SQSTM1: variants seen among roughly 807,000 people sequenced by gnomAD.
The protein encoded by SQSTM1 is sequestosome-1.
SQSTM1 carries 36 observed loss-of-function variants against 45.1 expected under a neutral mutation model. The observed-to-expected ratio is 0.80, with a 90% confidence interval of 0.61 to 1.05. SQSTM1 has a LOEUF of 1.05. Among genes scored for constraint, SQSTM1 ranks in the 50% least tolerant of loss-of-function variants. The probability of loss-of-function intolerance (pLI) is 0.00; values close to 1 mark genes in which losing one functional copy is unlikely to be tolerated. For synonymous variants in SQSTM1, 290 were observed against 244.3 expected (o/e 1.19, Z -1.74); for missense variants, 617 against 607.1 (o/e 1.02, Z -0.17).
chr5:179,821,713 G>A, intron 1 of SQSTM1: 1 of 334,130 alleles, frequency 3.0e-6, no homozygotes, highest in Non-Finnish European at 5.9e-6. Flanking sequence ...GCCAGGTCGA[G>A]TACAGATGTT....
At chr5:179,813,705 T>A (rs1358141889) in intron 2 of SQSTM1, 1 of 152,044 alleles carries the variant, frequency 6.6e-6, no homozygotes, top group Non-Finnish European at 1.5e-5. Flanking sequence ...TACAGTGAGC[T>A]CTAATTGCCA....
intron 2 of SQSTM1, 135 bp downstream of exon 2, chr5:179,823,188 GC>G: frequency 1.2e-6 from 1 of 839,944 alleles, no homozygotes; most frequent in Non-Finnish European, 1.9e-6. Flanking sequence ...AGAGACATAG[GC>G]CAGGTGTGGC....
chr5:179,828,488 C>A (rs543752057), intron 5 of SQSTM1, among the ~76,000 whole-genome samples: 1 of 151,790 alleles, frequency 6.6e-6, no homozygotes, highest in East Asian at 1.9e-4. Flanking sequence ...ATTCTCCTGC[C>A]TCAGCCTTTC....
chr5:179,826,514 G>A (rs1231897913), intron 5 of SQSTM1, among the ~76,000 whole-genome samples: 1 of 151,794 alleles, frequency 6.6e-6, no homozygotes, highest in East Asian at 1.9e-4. Context: ...CATTGCTTCT[G>A]AACTAAACAG....
At chr5:179,817,952 T>C (rs1392264210), upstream of SQSTM1, among the ~76,000 whole-genome samples, 1 of 139,960 alleles carries the variant, frequency 7.1e-6, no homozygotes. Context: ...GAGGCAGAGG[T>C]TGCAGTGAGC....
In SQSTM1 at chr5:179,836,439, C is replaced by T. The variant is rs1330179432; in HGVS notation, c.1169C>T (p.Ala390Val). The change falls in exon 8 of 8, where the codon GCT (alanine) becomes GTT (valine). Residue 390 changes from alanine (A) to valine (V), a missense_variant. Physicochemically the swap from Ala to Val is moderately conservative, Grantham distance 64. Transcript: ENST00000389805. Reference protein sequence around the residue: ...AALYPHLPPEADPRLIESLSQ... With the variant: ...AALYPHLPPEVDPRLIESLSQ... ...GGCTTCCTTACTGTTTCGGCAGAGG[C>T]TGACCCGCGGCTGATTGAGTCCCTC... 1.9e-6 allele frequency: 3 copies of T among 1,614,188 alleles called. No individual in the cohort carries two copies. Among genetic ancestry groups the T allele is most frequent in the East Asian group, 4.5e-5 (2 of 44,884 alleles).
intron 2 of SQSTM1, chr5:179,823,569 G>T: frequency 1.9e-6 from 1 of 518,022 alleles, no homozygotes; most frequent in Admixed American, 3.3e-5. Context: ...TTGGGTTAGG[G>T]ATGGGGTCTG....
chr5:179,809,228 G>T (rs1490410816), intron 1 of SQSTM1, among the ~76,000 whole-genome samples: 1 of 143,322 alleles, frequency 7.0e-6, no homozygotes, highest in Admixed American at 7.2e-5. Context: ...GCACCATCTC[G>T]GCTCACTGCA....
At chr5:179,833,913 G>A in intron 7 of SQSTM1, 131 bp downstream of exon 7, 1 of 1,038,376 alleles carries the variant, frequency 9.6e-7, no homozygotes, top group African/African-American at 1.6e-5. Context: ...AGGTGTGGGA[G>A]GTTAGGAGTT....
rs984655151 is a variant in SQSTM1, at chr5:179,830,267, G to A, written c.755-2765G>A. Among the ~76,000 whole-genome samples, 24 of 152,236 alleles carry A rather than the reference G, an allele frequency of 1.6e-4. 1 individual carries two copies. Among genetic ancestry groups the A allele is most frequent in the Non-Finnish European group, 5.9e-5 (4 of 68,044 alleles). Reference sequence around the variant, plus strand: ...CAAGTGTCAGAACCCTGAGGATAAAGAAAGAGGGGCTTCTAAAACTCTAGG... The same window carrying A: ...CAAGTGTCAGAACCCTGAGGATAAAAAAAGAGGGGCTTCTAAAACTCTAGG... On this transcript the variant is annotated intron_variant, in intron 5 of 7. Transcript: ENST00000389805.
upstream of SQSTM1, chr5:179,820,785 C>A (rs926523739): frequency 6.0e-6 from 4 of 665,140 alleles, no homozygotes; most frequent in Non-Finnish European, 9.3e-6. Flanking sequence ...CTCTGCAGGG[C>A]GGCTCTCGCG....
At chr5:179,820,872 C>T (rs1193633501), upstream of SQSTM1, 8 of 1,371,836 alleles carry the variant, frequency 5.8e-6, no homozygotes, top group African/African-American at 1.5e-5. Flanking sequence ...CCTCCGCGTT[C>T]GCTACAAAAG....
intron 5 of SQSTM1, among the ~76,000 whole-genome samples, chr5:179,827,442 G>A (rs1758041814): frequency 6.6e-6 from 1 of 151,928 alleles, no homozygotes; most frequent in South Asian, 2.1e-4. Flanking sequence ...CCACCACCAC[G>A]CCCGGCTAGT....
In SQSTM1 at chr5:179,824,076, C is replaced by T; in HGVS notation, c.520C>T (p.His174Tyr). 1 of 1,613,904 alleles carries T rather than the reference C, an allele frequency of 6.2e-7. No individual in the cohort carries two copies. Among genetic ancestry groups the T allele is most frequent in the Non-Finnish European group, 8.5e-7 (1 of 1,180,044 alleles). The change falls in exon 3 of 8, where the codon CAC becomes TAC. Residue 174 changes from histidine to tyrosine, a missense_variant. Physicochemically the swap from His to Tyr is moderately conservative, Grantham distance 83 (BLOSUM62 2). Coordinates refer to ENST00000389805, the MANE Select transcript of SQSTM1 (RefSeq NM_003900.5). ...TKLAFPSPFGHLSEGFSHSRW... is the reference protein window; with the variant it reads ...TKLAFPSPFGYLSEGFSHSRW... The stretch of plus-strand genomic sequence containing the variant: ...GCTCGCATTCCCCAGCCCCTTCGGG[C>T]ACCTGTCTGAGGTGAGCAGGCCCTC...
At chr5:179,829,387 A>G (rs141354578) in intron 5 of SQSTM1, among the ~76,000 whole-genome samples, 2,592 of 152,266 alleles carry the variant, frequency 0.017, 94 homozygotes, top group African/African-American at 0.06. Flanking sequence ...GGCCCCACAG[A>G]AGGCTTCCTG....
chr5:179,837,095 A>G lies in SQSTM1; in HGVS notation c.*502A>G. The stretch of plus-strand genomic sequence containing the variant: ...GGGACTGAGAAGGCTCACGAAGGGC[A>G]TCCGCAATGTTGGTTTCACTGAGAG... On this transcript the variant is annotated 3_prime_UTR_variant, in exon 8 of 8. Coordinates refer to ENST00000389805, the MANE Select transcript of SQSTM1 (RefSeq NM_003900.5). The G allele has an allele frequency of 1.1e-6, 1 of 903,730 alleles. No individual in the cohort carries two copies. The highest frequency in any genetic ancestry group is 1.7e-6 in the Non-Finnish European group (1 of 572,348). The allele number at this position is 903,730 out of a possible 1,614,324, so 56.0% of individuals were successfully genotyped here. A position where few individuals can be genotyped will look rare whatever the true frequency, so the allele number is the denominator to read the frequency against.
intron 1 of SQSTM1, chr5:179,821,719 A>G (rs957780180): frequency 6.1e-5 from 20 of 325,902 alleles, no homozygotes; most frequent in African/African-American, 4.4e-4. Context: ...TCGAGTACAG[A>G]TGTTTTCCCA....
Position 179,820,923 on chromosome 5 carries a change from G to A in SQSTM1, c.-14G>A, listed in dbSNP as rs777103572. The A allele has an allele frequency of 1.3e-6, 2 of 1,526,114 alleles. No homozygotes were observed. Among genetic ancestry groups the A allele is most frequent in the East Asian group, 2.6e-5 (1 of 38,296 alleles). 94.5% of individuals were successfully genotyped at this position (1,526,114 alleles called of 1,614,324 possible). A position where few individuals can be genotyped will look rare whatever the true frequency, so the allele number is the denominator to read the frequency against. ...GACCGGGACGGCCCGTTTTCCGCCA[G>A]CTCGCCGCTCGCTATGGCGTCGCTC... On this transcript the variant is annotated 5_prime_UTR_variant, in exon 1 of 8. Transcript: ENST00000389805.
At position 179,837,290 on chromosome 5, in the gene SQSTM1, TTTA is replaced by T; in HGVS notation, c.*700_*702del. The stretch of plus-strand genomic sequence containing the variant: ...ATAGAGAGAAATGATTGACAGTAAG[TTTA>T]TTGTTAATGGTTCTTACAGAGTATC... On this transcript the variant is annotated 3_prime_UTR_variant, in exon 8 of 8. Coordinates refer to ENST00000389805, the MANE Select transcript of SQSTM1 (RefSeq NM_003900.5). 2 of 1,607,536 alleles carry T rather than the reference TTTA, an allele frequency of 1.2e-6. No individual in the cohort carries two copies. Among genetic ancestry groups the T allele is most frequent in the South Asian group, 2.2e-5 (2 of 90,380 alleles).
Sources: gnomAD v4.1 joint callset for allele counts (sites outside exome capture counted in the v4.1 genomes callset) on GRCh38, gnomAD v4.1.1 for gene constraint, MANE v1.5 for transcripts, NCBI Gene and HGNC (gene_info 2026-07-23, HGNC 2026-07-21) for gene names.